NPC1: variants seen among roughly 807,000 people sequenced by gnomAD.
The protein encoded by NPC1 is NPC intracellular cholesterol transporter 1.
A neutral mutation model predicts 140.4 loss-of-function variants in NPC1; 85 were observed. The ratio of observed to expected loss-of-function variants is 0.61; its 90% confidence interval spans 0.51 to 0.72. NPC1 has a LOEUF of 0.72. Ranked by LOEUF, NPC1 falls within the 30% of genes least tolerant of loss-of-function variation. The pLI is 0.00. For missense variants in NPC1, 1,504 were observed against 1,623.8 expected (o/e 0.93, Z 1.27); for synonymous variants, 656 against 624.8 (o/e 1.05, Z -0.74).
intron 3 of NPC1, among the ~76,000 whole-genome samples, chr18:23,569,895 G>C (rs1290032771): frequency 1.3e-5 from 2 of 152,166 alleles, no homozygotes; most frequent in African/African-American, 4.8e-5. Context: ...CATGATAAAA[G>C]AGCTCTCTTT....
intron 3 of NPC1, among the ~76,000 whole-genome samples, chr18:23,570,366 G>A (rs1219465743): frequency 2.6e-5 from 4 of 152,092 alleles, no homozygotes; most frequent in African/African-American, 9.7e-5. Flanking sequence ...CCTCACCTAC[G>A]GTGGATCCTA....
At chr18:23,530,867 C>T (rs183184584), downstream of NPC1, among the ~76,000 whole-genome samples, 34 of 152,224 alleles carry the variant, frequency 2.2e-4, 1 homozygote, top group East Asian at 6.5e-3. Context: ...TCAGGCACAG[C>T]CCATCTCTTA....
At chr18:23,537,070 CTTTTT>C (rs562891401) in intron 20 of NPC1, among the ~76,000 whole-genome samples, 194 bp from the exon 21 acceptor site, 6 of 147,144 alleles carry the variant, frequency 4.1e-5, no homozygotes, top group Non-Finnish European at 9.0e-5. Context: ...AGACTGGCTT[CTTTTT>C]TTTTTTATTT....
At chr18:23,565,691 CTAAG>C (rs1425844401) in intron 4 of NPC1, among the ~76,000 whole-genome samples, 4 of 152,158 alleles carry the variant, frequency 2.6e-5, no homozygotes, top group South Asian at 4.1e-4. Flanking sequence ...ATAGTTACTC[CTAAG>C]TATTTCCCAT....
chr18:23,560,131 G>T, intron 6 of NPC1, 100 bp downstream of exon 6: 1 of 1,428,678 alleles, frequency 7.0e-7, no homozygotes. Flanking sequence ...GGAGGTATTT[G>T]TTTCTTGTCC....
rs1019159514 is a variant in NPC1 at position 23,540,454 on chromosome 18, C to A, written c.2598G>T (p.Met866Ile). The change falls in exon 17 of 25, where the codon ATG becomes ATT. Residue 866 changes from methionine (M) to isoleucine (I), a missense_variant. Transcript: ENST00000269228. The stretch of plus-strand genomic sequence containing the variant: ...AAAAAGGAAGTCATCTTACATCTGG[C>A]ATCGAAAGAGACTGATCCAATCCAA... ...VDIGLDQSLS[M>I]PDDSYMVDYF... 1.8e-5 allele frequency: 29 copies of A among 1,588,342 alleles called. No individual in the cohort carries two copies. Among genetic ancestry groups the A allele is most frequent in the Non-Finnish European group, 2.4e-5 (28 of 1,158,484 alleles).
chr18:23,522,011 A>G (rs980341848), downstream of NPC1, among the ~76,000 whole-genome samples: 5 of 152,196 alleles, frequency 3.3e-5, no homozygotes, highest in Non-Finnish European at 7.3e-5. Flanking sequence ...GTCCGATGGC[A>G]TTGGGCGGGT....
downstream of NPC1, chr18:23,530,071 A>C: frequency 6.2e-7 from 1 of 1,613,844 alleles, no homozygotes; most frequent in South Asian, 1.1e-5. Context: ...GTCCAGCACA[A>C]CCTCTTTTAT....
chr18:23,524,244 GTCC>G, intron 1 of NPC1: 2 of 1,579,904 alleles, frequency 1.3e-6, no homozygotes, highest in South Asian at 1.1e-5. Context: ...TGGTCCTGAA[GTCC>G]TCCTCCGGGC....
intron 10 of NPC1, among the ~76,000 whole-genome samples, chr18:23,549,976 A>G (rs1363436195): frequency 6.7e-6 from 1 of 150,052 alleles, no homozygotes; most frequent in Non-Finnish European, 1.5e-5. Flanking sequence ...ATCTTTATTT[A>G]TTAAGAAAAT....
downstream of NPC1, chr18:23,529,918 A>G: frequency 2.6e-6 from 3 of 1,152,616 alleles, no homozygotes; most frequent in Non-Finnish European, 3.8e-6. Context: ...ACTTCTTGTA[A>G]TGACAGACTT....
rs752521936 is a variant in NPC1, at chr18:23,541,147, G to A, written c.2435C>T (p.Ala812Val). ...RGAEDGTSVQ[A>V]SESCLFRFFK... ...GAAGCGAAACAAACAGCTCTCTGAG[G>A]CCTGGACGCTTGTTCCATCTTCAGC... Residue 812 changes from alanine to valine, a missense_variant, in exon 16 of 25, where the codon GCC becomes GTC. By Grantham distance (64) the Ala-to-Val change is moderately conservative (BLOSUM62 0). Transcript: ENST00000269228. The A allele has an allele frequency of 1.9e-6, 3 of 1,614,172 alleles. No individual in the cohort carries two copies. The South Asian group carries it at 3.3e-5, about 18-fold the overall frequency.
downstream of NPC1, chr18:23,520,207 G>A (rs752124464): frequency 7.4e-6 from 12 of 1,613,404 alleles, no homozygotes; most frequent in East Asian, 2.2e-5. Context: ...CCCAGACATC[G>A]GTAATATTCG....
chr18:23,536,697 C>T lies in NPC1; in HGVS notation c.3221G>A (p.Ser1074Asn). ...CCTGTAAGGAAATACTCGGTAGGCA[C>T]TGCCGTTAATGCCCATGGTTTCGGT... ...NVTETMGING[S>N]AYRVFPYSVF... is the part of the protein sequence containing the mutation. Residue 1074 changes from serine (S) to asparagine (N), a missense_variant, in exon 21 of 25, where the codon AGT (serine) becomes AAT (asparagine). Transcript: ENST00000269228. 1 of 1,614,150 alleles carries T rather than the reference C, an allele frequency of 6.2e-7. No homozygotes were observed. The highest frequency in any genetic ancestry group is 8.5e-7 in the Non-Finnish European group (1 of 1,180,014).
chr18:23,579,630 C>T (rs1413090610), intron 1 of NPC1, among the ~76,000 whole-genome samples: 1 of 152,124 alleles, frequency 6.6e-6, no homozygotes, highest in Non-Finnish European at 1.5e-5. Context: ...GTGGCTCATG[C>T]CTGTAATCCC....
chr18:23,516,545 C>A, intron 3 of NPC1: 1 of 964,028 alleles, frequency 1.0e-6, no homozygotes, highest in Non-Finnish European at 1.6e-6. Context: ...GAGGACTCCC[C>A]TTGTTCTGGG....
At chr18:23,521,377 C>T (rs1652338), downstream of NPC1, among the ~76,000 whole-genome samples, 11 of 152,320 alleles carry the variant, frequency 7.2e-5, no homozygotes, top group Admixed American at 2.0e-4. Flanking sequence ...AGCTCTGTAA[C>T]GCTGAAATTA....
At chr18:23,566,517 G>C (rs1400511901) in intron 4 of NPC1, among the ~76,000 whole-genome samples, 1 of 152,146 alleles carries the variant, frequency 6.6e-6, no homozygotes, top group East Asian at 1.9e-4. Flanking sequence ...GGCCGAGGCA[G>C]GAGGATCACT....
In NPC1 at chr18:23,515,720, A is replaced by C. The variant is rs2145185182; in HGVS notation, c.432-9078T>G. On this transcript the variant is annotated intron_variant, in intron 3 of 3. Coordinates refer to the NPC1 transcript ENST00000591107. ...GCTAATTTTTGTATTTTTAGTAGAG[A>C]TGGGGTTTTACCATTTTGTCCAGGC... 5.3e-6 allele frequency: 5 copies of C among 943,652 alleles called. No homozygotes were observed. The East Asian group carries it at 1.1e-4, about 20-fold the overall frequency. 58.5% of individuals were successfully genotyped at this position (943,652 alleles called of 1,614,324 possible).
Sources: allele counts gnomAD v4.1 joint callset (sites outside exome capture counted in the v4.1 genomes callset), GRCh38; gene constraint gnomAD v4.1.1; transcripts MANE v1.5; gene names NCBI Gene and HGNC (gene_info 2026-07-23, HGNC 2026-07-21).